The following NDUFAF6 variants were observed in gnomAD, a reference collection of about 807,000 sequenced individuals.
NDUFAF6 encodes NADH dehydrogenase (ubiquinone) complex I, assembly factor 6.
In NDUFAF6, 45 loss-of-function variants were observed where a neutral mutation model predicts 40.8. The observed-to-expected ratio is 1.10, with a 90% CI of 0.87 to 1.42. NDUFAF6 has a LOEUF of 1.42. Ranked by LOEUF, NDUFAF6 falls within the 40% of genes most tolerant of loss-of-function variation. NDUFAF6 has a pLI of 0.00. For synonymous variants in NDUFAF6, 185 were observed against 155.9 expected (o/e 1.19, Z -1.39); for missense variants, 435 against 418.5 (o/e 1.04, Z -0.34).
chr8:94,940,781 T>C (rs775930558), intron 1 of NDUFAF6: 1 of 1,412,800 alleles, frequency 7.1e-7, no homozygotes, highest in East Asian at 2.3e-5. Context: ...GATGCAAGTT[T>C]CCATTTTTAC....
chr8:95,102,792 T>C (rs1465435419), intron 2 of NDUFAF6, among the ~76,000 whole-genome samples: 1 of 152,164 alleles, frequency 6.6e-6, no homozygotes, highest in East Asian at 1.9e-4. Context: ...GCAAACTGTA[T>C]GTCTTCTGCA....
intron 7 of NDUFAF6, among the ~76,000 whole-genome samples, chr8:95,051,444 G>T (rs1831414440): frequency 6.6e-6 from 1 of 152,192 alleles, no homozygotes; most frequent in Non-Finnish European, 1.5e-5. Flanking sequence ...TTCAGTAGAT[G>T]GTTGGGGGTC....
chr8:94,913,852 C>T (rs1373024097), intron 1 of NDUFAF6, among the ~76,000 whole-genome samples: 2 of 152,130 alleles, frequency 1.3e-5, no homozygotes, highest in Non-Finnish European at 2.9e-5. Context: ...AGTGCTGTGG[C>T]GCGATCTCAG....
In NDUFAF6 at chr8:95,054,912, C is replaced by G. The variant is rs533943935; in HGVS notation, c.873+2682C>G. ...GGAAAGGATTTGCAGTTTAAAAACTCTTTGAATATGACTAATCTAGGTATG... is the reference window on the plus strand; with the variant it reads ...GGAAAGGATTTGCAGTTTAAAAACTGTTTGAATATGACTAATCTAGGTATG... On this transcript the variant is annotated intron_variant, in intron 8 of 8. Transcript: ENST00000396124. Among the ~76,000 whole-genome samples, 61 of 152,310 alleles carry G rather than the reference C, an allele frequency of 4.0e-4. 1 individual carries two copies. Among genetic ancestry groups the G allele is most frequent in the African/African-American group, 1.4e-3 (59 of 41,568 alleles).
At chr8:95,041,327 A>C (rs1169673490) in intron 3 of NDUFAF6, among the ~76,000 whole-genome samples, 1 of 152,248 alleles carries the variant, frequency 6.6e-6, no homozygotes, top group Non-Finnish European at 1.5e-5. Context: ...AATTATTAGC[A>C]GTATAGGAAA....
chr8:95,002,208 A>G (rs574828317), intron 2 of NDUFAF6, among the ~76,000 whole-genome samples: 2 of 152,338 alleles, frequency 1.3e-5, no homozygotes, highest in Admixed American at 1.3e-4. Flanking sequence ...ACACTTCCTG[A>G]TAAAAATATC....
intron 2 of NDUFAF6, among the ~76,000 whole-genome samples, chr8:95,092,897 A>G (rs1192833122): frequency 1.3e-5 from 2 of 152,184 alleles, no homozygotes; most frequent in Non-Finnish European, 2.9e-5. Context: ...GAAGCCTTTT[A>G]AGGGCAATAC....
At chr8:95,040,675 A>G (rs1195995214) in intron 3 of NDUFAF6, 1 of 152,160 alleles carries the variant, frequency 6.6e-6, no homozygotes, top group Non-Finnish European at 1.5e-5. Context: ...TACAGTTTAT[A>G]ATTCACTCAT....
chr8:94,949,774 G>C (rs2131414777), intron 2 of NDUFAF6, among the ~76,000 whole-genome samples: 1 of 152,328 alleles, frequency 6.6e-6, no homozygotes, highest in Non-Finnish European at 1.5e-5. Context: ...AAGGGTCGAG[G>C]GTTTGGGGCA....
intron 3 of NDUFAF6, 131 bp downstream of exon 3, chr8:95,035,707 G>A (rs531943787): frequency 1.3e-5 from 11 of 876,892 alleles, no homozygotes; most frequent in Non-Finnish European, 1.9e-5. Context: ...TATGTATTCA[G>A]AGCTGTTATA....
At position 94,909,178 on chromosome 8, in the gene NDUFAF6, T is replaced by A. The variant is rs537620285; in HGVS notation, c.-936+13251T>A. ...CTGACCAACATGGCGAAACCCCATC[T>A]CTACTAAAAATACAAAACTAGCCAG... is the stretch of plus-strand genomic sequence containing the variant. On this transcript the variant is annotated intron_variant, in intron 1 of 14. Transcript: ENST00000396113. 2.0e-5 allele frequency among the ~76,000 whole-genome samples: 3 copies of A among 151,844 alleles called. No homozygotes were observed. In the East Asian group the frequency reaches 5.8e-4, roughly 29 times the overall value.
At chr8:95,031,728 G>A (rs1342638076) in intron 1 of NDUFAF6, among the ~76,000 whole-genome samples, 4 of 152,174 alleles carry the variant, frequency 2.6e-5, no homozygotes, top group African/African-American at 9.7e-5. Flanking sequence ...AGCCACTCAA[G>A]TAGCTGGGAT....
At chr8:94,946,132 G>C (rs1323939876) in intron 2 of NDUFAF6, among the ~76,000 whole-genome samples, 1 of 150,882 alleles carries the variant, frequency 6.6e-6, no homozygotes, top group Non-Finnish European at 1.5e-5. Flanking sequence ...TACACATAAG[G>C]CTTCTTTTTA....
rs536834714 is a variant in NDUFAF6, at chr8:95,025,087, C to G, written c.79C>G (p.Leu27Val). 1.4e-6 allele frequency: 2 copies of G among 1,475,644 alleles called. No individual in the cohort carries two copies. The highest frequency in any genetic ancestry group is 1.8e-6 in the Non-Finnish European group (2 of 1,123,992). The allele number at this position is 1,475,644 out of a possible 1,614,324, so 91.4% of individuals were successfully genotyped here. Residue 27 changes from leucine (L) to valine (V), a missense_variant, in exon 1 of 9, where the codon CTG becomes GTG. Coordinates refer to ENST00000396124, the MANE Select transcript of NDUFAF6 (RefSeq NM_152416.4). ...CGGCCTGTGCTGCCGCCGGCCGCCT[C>G]TGGGTCTGTACGCGCGCATGCGGCG... is the stretch of plus-strand genomic sequence containing the variant. Reference protein sequence around the residue: ...IPGLCCRRPPLGLYARMRRLP... With the variant: ...IPGLCCRRPPVGLYARMRRLP...
chr8:95,116,063 G>A (rs573050679), intron 5 of NDUFAF6, among the ~76,000 whole-genome samples: 1 of 152,006 alleles, frequency 6.6e-6, no homozygotes, highest in Non-Finnish European at 1.5e-5. Context: ...GCTTGAACCG[G>A]GGAGGCGGAG....
chr8:95,000,138 A>T (rs1394174227), intron 2 of NDUFAF6, among the ~76,000 whole-genome samples: 2 of 151,982 alleles, frequency 1.3e-5, no homozygotes, highest in Non-Finnish European at 2.9e-5. Context: ...GGAATTCGAG[A>T]CCAGCCTGGG....
At chr8:95,051,648 A>C (rs559531664) in intron 7 of NDUFAF6, among the ~76,000 whole-genome samples, 15 of 152,326 alleles carry the variant, frequency 9.8e-5, no homozygotes, top group Admixed American at 3.9e-4. Context: ...GGTTAGAGTC[A>C]AGATGTGGAG....
chr8:95,081,511 C>T (rs895710024), intron 2 of NDUFAF6, among the ~76,000 whole-genome samples: 1 of 152,064 alleles, frequency 6.6e-6, no homozygotes, highest in African/African-American at 2.4e-5. Context: ...TCCCAGCCCA[C>T]CTTCTTTGTC....
chr8:94,997,594 C>G (rs1162015399), intron 2 of NDUFAF6, among the ~76,000 whole-genome samples: 5 of 152,154 alleles, frequency 3.3e-5, no homozygotes, highest in African/African-American at 9.7e-5. Flanking sequence ...GTAGGAATAG[C>G]TGGCTCTCAA....
Sources: allele counts gnomAD v4.1 joint callset (sites outside exome capture counted in the v4.1 genomes callset), GRCh38; gene constraint gnomAD v4.1.1; transcripts MANE v1.5; gene names NCBI Gene and HGNC (gene_info 2026-07-23, HGNC 2026-07-21).